Variants in UTRN observed in about 807,000 individuals in gnomAD.
The protein encoded by UTRN is dystrophin-related protein 1.
Under a neutral mutation model 463.9 loss-of-function variants are expected in UTRN, and 283 were observed. The observed-to-expected ratio is 0.61, with a 90% CI of 0.55 to 0.67. UTRN has a LOEUF of 0.67. Among genes scored for constraint, UTRN ranks in the 30% least tolerant of loss-of-function variants. The pLI, the probability that UTRN is intolerant of heterozygous loss-of-function variation, is 0.00. For synonymous variants in UTRN, 1,442 were observed against 1,431.5 expected, an observed-to-expected ratio of 1.01 and a Z score of -0.17; for missense variants, 3,922 against 4,084.3, an observed-to-expected ratio of 0.96 and a Z score of 1.08.
chr6:144,637,424 A>G (rs1194073478), intron 51 of UTRN, among the ~76,000 whole-genome samples: 1 of 151,366 alleles, frequency 6.6e-6, no homozygotes, highest in African/African-American at 2.4e-5. Flanking sequence ...TTTAATATAA[A>G]CTATATATAA....
intron 9 of UTRN, among the ~76,000 whole-genome samples, chr6:144,433,259 C>A (rs1241912936): frequency 2.0e-5 from 3 of 150,418 alleles, no homozygotes; most frequent in Admixed American, 6.6e-5. Flanking sequence ...CCAGTAGGGG[C>A]GGCCAGGCAG....
At chr6:144,605,619 G>T (rs1041066729) in intron 51 of UTRN, among the ~76,000 whole-genome samples, 1 of 150,606 alleles carries the variant, frequency 6.6e-6, no homozygotes, top group African/African-American at 2.4e-5. Flanking sequence ...ACTTTAAAAC[G>T]CTACAGTCCT....
rs1792716081 is a variant in UTRN at position 144,488,598 on chromosome 6, A to G, written c.3973-75A>G. The G allele has an allele frequency of 2.8e-6, 4 of 1,405,856 alleles. No homozygotes were observed. The African/African-American group carries it at 4.3e-5, about 15-fold the overall frequency. 87.1% of individuals were successfully genotyped at this position (1,405,856 alleles called of 1,614,324 possible). ...ATGAAAGCTTTTATGGTCTTTTCTTAGTGGCCAGAATATATATATTCTGCT... is the reference window on the plus strand; with the variant it reads ...ATGAAAGCTTTTATGGTCTTTTCTTGGTGGCCAGAATATATATATTCTGCT... On this transcript the variant is annotated intron_variant, in intron 29 of 74. Coordinates refer to ENST00000367545, the MANE Select transcript of UTRN (RefSeq NM_007124.3).
chr6:144,837,742 T>C (rs965727451), intron 71 of UTRN, among the ~76,000 whole-genome samples: 3 of 152,228 alleles, frequency 2.0e-5, no homozygotes, highest in Non-Finnish European at 4.4e-5. Context: ...CAGTGTCATT[T>C]CTGCCTTACC....
intron 65 of UTRN, among the ~76,000 whole-genome samples, chr6:144,804,966 G>C (rs965962365): frequency 6.6e-6 from 1 of 152,272 alleles, no homozygotes; most frequent in Admixed American, 6.5e-5. Flanking sequence ...TAAGGGGTCA[G>C]ACGCCTTAAT....
At chr6:144,606,251 C>T (rs952062659) in intron 51 of UTRN, among the ~76,000 whole-genome samples, 1 of 152,156 alleles carries the variant, frequency 6.6e-6, no homozygotes, top group Non-Finnish European at 1.5e-5. Context: ...AACACAACTT[C>T]AAATCATATG....
chr6:144,766,421 T>C (rs901896400), intron 58 of UTRN, among the ~76,000 whole-genome samples: 2 of 152,176 alleles, frequency 1.3e-5, no homozygotes, highest in Non-Finnish European at 2.9e-5. Flanking sequence ...CTTCTATAAG[T>C]GTACATAAAG....
At chr6:144,711,419 A>G (rs530487027) in intron 53 of UTRN, among the ~76,000 whole-genome samples, 1 of 152,348 alleles carries the variant, frequency 6.6e-6, no homozygotes, top group Non-Finnish European at 1.5e-5. Context: ...TCGAATTTTT[A>G]GAATCATTTT....
chr6:144,523,165 T>C lies in UTRN; in HGVS notation c.5883T>C (p.Asn1961=). 6.2e-7 allele frequency: 1 copy of C among 1,610,438 alleles called. No homozygotes were observed. The highest frequency in any genetic ancestry group is 1.7e-5 in the Admixed American group (1 of 59,216). The change falls in exon 41 of 75, where the codon AAT becomes AAC. Residue 1961 remains asparagine (N), a synonymous_variant. Transcript: ENST00000367545. ...TGAATGCAAAATGGGACAGAATTAATAGAATGTACAGTGATCGGAAAGGGT... is the reference window on the plus strand; with the variant it reads ...TGAATGCAAAATGGGACAGAATTAACAGAATGTACAGTGATCGGAAAGGGT... ...TQLNAKWDRI[N]RMYSDRKGCF...
intron 2 of UTRN, among the ~76,000 whole-genome samples, chr6:144,391,579 G>A (rs929587589): frequency 6.6e-6 from 1 of 152,050 alleles, no homozygotes; most frequent in South Asian, 2.1e-4. Flanking sequence ...ATCATTATTC[G>A]CAAGTAGGCT....
At chr6:144,450,390 G>T (rs1271362251) in intron 17 of UTRN, among the ~76,000 whole-genome samples, 2 of 152,112 alleles carry the variant, frequency 1.3e-5, no homozygotes, top group Non-Finnish European at 2.9e-5. Flanking sequence ...ACTAATACTT[G>T]CAGTTTGCAA....
chr6:144,382,621 C>G (rs1781036310), intron 2 of UTRN, among the ~76,000 whole-genome samples: 1 of 152,156 alleles, frequency 6.6e-6, no homozygotes, highest in Admixed American at 6.5e-5. Context: ...CATTTTTACC[C>G]TCTTTGTATA....
At chr6:144,494,644 C>T (rs1183420202) in intron 33 of UTRN, among the ~76,000 whole-genome samples, 12 of 152,222 alleles carry the variant, frequency 7.9e-5, no homozygotes, top group African/African-American at 1.7e-4. Context: ...CTGATTGGTG[C>T]GTTTACAATC....
intron 54 of UTRN, among the ~76,000 whole-genome samples, chr6:144,736,574 T>TA (rs1789423867): frequency 6.6e-6 from 1 of 152,202 alleles, no homozygotes; most frequent in Non-Finnish European, 1.5e-5. Context: ...ATACCAATCT[T>TA]ATGCTAGGCC....
At chr6:144,435,728 G>A (rs1403621070) in intron 9 of UTRN, among the ~76,000 whole-genome samples, 1 of 152,156 alleles carries the variant, frequency 6.6e-6, no homozygotes, top group Non-Finnish European at 1.5e-5. Flanking sequence ...ATTCATGAGT[G>A]CATGCTGCTT....
At chr6:144,796,087 GT>G (rs1313664110) in intron 63 of UTRN, among the ~76,000 whole-genome samples, 1 of 152,106 alleles carries the variant, frequency 6.6e-6, no homozygotes, top group Non-Finnish European at 1.5e-5. Context: ...GTTAATTTTT[GT>G]GTGAGGTGTA....
At chr6:144,513,757 T>G in intron 35 of UTRN, 152 bp from the exon 36 acceptor site, 1 of 756,006 alleles carries the variant, frequency 1.3e-6, no homozygotes, top group Non-Finnish European at 2.0e-6. Flanking sequence ...TAAGATGAGT[T>G]ATTCACTGAA....
intron 51 of UTRN, among the ~76,000 whole-genome samples, chr6:144,635,108 C>A (rs151225159): frequency 1.4e-5 from 2 of 145,622 alleles, no homozygotes; most frequent in East Asian, 2.0e-4. Flanking sequence ...TAAAGGCAAT[C>A]AACAATCTAA....
At chr6:144,789,853 A>G (rs931708612) in intron 62 of UTRN, among the ~76,000 whole-genome samples, 9 of 152,216 alleles carry the variant, frequency 5.9e-5, no homozygotes, top group Non-Finnish European at 1.2e-4. Flanking sequence ...GGATTTATCA[A>G]ATAAATCAAC....
Sources: gnomAD v4.1 joint callset for allele counts (sites outside exome capture counted in the v4.1 genomes callset) on GRCh38, gnomAD v4.1.1 for gene constraint, MANE v1.5 for transcripts, NCBI Gene and HGNC (gene_info 2026-07-23, HGNC 2026-07-21) for gene names.